MPDZ: variants seen among roughly 807,000 people sequenced by gnomAD.
MPDZ encodes multiple PDZ domain protein.
A neutral mutation model predicts 239.1 loss-of-function variants in MPDZ; 234 were observed. That is an observed-to-expected ratio of 0.98 (90% CI 0.88 to 1.09). The LOEUF (loss-of-function observed/expected upper bound fraction) is 1.09, where lower values mean the gene tolerates loss of function less well. Ranked by LOEUF, MPDZ falls within the 50% of genes least tolerant of loss-of-function variation. MPDZ has a pLI of 0.00. For missense variants in MPDZ, 3,175 were observed against 2,510.0 expected (o/e 1.26, Z -5.66); for synonymous variants, 1,048 against 881.3 (o/e 1.19, Z -3.35).
intron 1 of MPDZ, among the ~76,000 whole-genome samples, chr9:13,267,697 A>C (rs1972076358): frequency 6.6e-6 from 1 of 152,186 alleles, no homozygotes; most frequent in Admixed American, 6.5e-5. Context: ...GCAAGACACA[A>C]GTAACAGGGG....
At position 13,136,952 on chromosome 9, in the gene MPDZ, A is replaced by G. The variant is rs535621236; in HGVS notation, c.4201-149T>C. The stretch of plus-strand genomic sequence containing the variant: ...TATATTTTCCTCCCCAAAACATGAA[A>G]CTGACTTTTCATGGTGAATAAAGAA... On this transcript the variant is annotated intron_variant, in intron 29 of 46. Coordinates refer to ENST00000319217, the MANE Select transcript of MPDZ (RefSeq NM_001378778.1). The G allele has an allele frequency of 9.2e-4, 415 of 451,596 alleles. 4 individuals are homozygous for G. The South Asian group carries it at 0.014, about 15-fold the overall frequency. The allele number at this position is 451,596 out of a possible 1,614,324, so 28.0% of individuals were successfully genotyped here. A position where few individuals can be genotyped will look rare whatever the true frequency, so the allele number is the denominator to read the frequency against.
chr9:13,248,973 T>C (rs1206551522), intron 2 of MPDZ, among the ~76,000 whole-genome samples: 3 of 18,746 alleles, frequency 1.6e-4, no homozygotes, highest in East Asian at 1.9e-3. Context: ...TGAGACTCCA[T>C]CTCAAAAAAA....
chr9:13,232,021 T>C (rs1189824400), intron 3 of MPDZ, among the ~76,000 whole-genome samples: 1 of 152,086 alleles, frequency 6.6e-6, no homozygotes. Flanking sequence ...AAAAAAATAA[T>C]GGATAAAATC....
intron 10 of MPDZ, among the ~76,000 whole-genome samples, chr9:13,214,669 T>C (rs534287967): frequency 3.3e-5 from 5 of 152,214 alleles, no homozygotes; most frequent in African/African-American, 1.2e-4. Flanking sequence ...ATGCTTTCAA[T>C]TTGTAATTCA....
intron 3 of MPDZ, among the ~76,000 whole-genome samples, chr9:13,226,645 G>A (rs948477048): frequency 1.3e-4 from 20 of 151,962 alleles, no homozygotes; most frequent in African/African-American, 4.1e-4. Flanking sequence ...TATACTCCAC[G>A]AACTTACTGT....
chr9:13,119,549 C>T lies in MPDZ; in HGVS notation c.5332G>A (p.Glu1778Lys), dbSNP rs751051967. Residue 1778 changes from glutamate to lysine, a missense_variant, in exon 39 of 47, where the codon GAA becomes AAA. Physicochemically the swap from Glu to Lys is moderately conservative, Grantham distance 56 (BLOSUM62 1). Coordinates refer to ENST00000319217, the MANE Select transcript of MPDZ (RefSeq NM_001378778.1). Reference sequence around the variant, plus strand: ...TCTTGGGTGGCATTACGAACGTCTTCCCCATTCACCATTAATATCTGGTCT... The same window carrying T: ...TCTTGGGTGGCATTACGAACGTCTTTCCCATTCACCATTAATATCTGGTCT... ...QGDQILMVNGEDVRNATQEAV... is the reference protein window; with the variant it reads ...QGDQILMVNGKDVRNATQEAV... 6 of 1,613,546 alleles carry T rather than the reference C, an allele frequency of 3.7e-6. No individual in the cohort carries two copies. Among genetic ancestry groups the T allele is most frequent in the Non-Finnish European group, 4.2e-6 (5 of 1,179,784 alleles).
rs777104917 is a variant in MPDZ at position 13,150,525 on chromosome 9, C to T, written c.3616G>A (p.Asp1206Asn). 1.3e-6 allele frequency: 2 copies of T among 1,567,024 alleles called. No individual in the cohort carries two copies. Among genetic ancestry groups the T allele is most frequent in the Admixed American group, 1.8e-5 (1 of 57,110 alleles). ...AGKNGTLKPGDRIVEVDGMDL... is the reference protein window; with the variant it reads ...AGKNGTLKPGNRIVEVDGMDL... ...CTAGAGGGTACCTCTACGATTCTAT[C>T]TCCAGGTTTCAAGGTTCCATTTTTG... is the stretch of plus-strand genomic sequence containing the variant. Residue 1206 changes from aspartate (D) to asparagine (N), a missense_variant, in exon 25 of 47, where the codon GAT becomes AAT. Coordinates refer to ENST00000319217, the MANE Select transcript of MPDZ (RefSeq NM_001378778.1).
At chr9:13,162,664 T>C (rs758827073) in intron 23 of MPDZ, 27 bp downstream of exon 23, 44 of 1,453,710 alleles carry the variant, frequency 3.0e-5, no homozygotes, top group Non-Finnish European at 4.0e-5. Context: ...GTACCATTCA[T>C]TGTATTAGAT....
intron 10 of MPDZ, among the ~76,000 whole-genome samples, chr9:13,216,029 C>G (rs948775676): frequency 6.7e-6 from 1 of 149,158 alleles, no homozygotes; most frequent in Non-Finnish European, 1.5e-5. Context: ...AGTGAAGACA[C>G]CCAGCTGTCT....
At chr9:13,239,099 A>T (rs1296205652) in intron 3 of MPDZ, among the ~76,000 whole-genome samples, 1 of 152,178 alleles carries the variant, frequency 6.6e-6, no homozygotes, top group African/African-American at 2.4e-5. Flanking sequence ...CTTGAGAATA[A>T]ATTCTTACTT....
intron 24 of MPDZ, among the ~76,000 whole-genome samples, chr9:13,155,796 A>G (rs1183420856): frequency 6.6e-6 from 1 of 152,198 alleles, no homozygotes; most frequent in African/African-American, 2.4e-5. Flanking sequence ...TGGTTACTCC[A>G]TTAAGCTTTC....
intron 24 of MPDZ, among the ~76,000 whole-genome samples, chr9:13,157,025 G>A (rs572463062): frequency 4.2e-5 from 6 of 142,820 alleles, no homozygotes; most frequent in Non-Finnish European, 7.5e-5. Context: ...TTCTTTGAAA[G>A]CAACATAAAA....
At position 13,192,180 on chromosome 9, in the gene MPDZ, T is replaced by C. The variant is rs375573563; in HGVS notation, c.1919A>G (p.Gln640Arg). The C allele has an allele frequency of 1.2e-6, 2 of 1,610,976 alleles. No homozygotes were observed. The highest frequency in any genetic ancestry group is 2.2e-5 in the East Asian group (1 of 44,700). ...TAAGTCCAGGCTATCCAATTCTGAT[T>C]GGGTGGTGGGTGGCACAGTTCGACG... ...CCRRTVPPTT[Q>R]SELDSLDLCD... Residue 640 changes from glutamine to arginine, a missense_variant, in exon 15 of 47, where the codon CAA becomes CGA. By Grantham distance (43) the Gln-to-Arg change is conservative. Transcript: ENST00000319217.
rs753896718 is a variant in MPDZ, at chr9:13,216,793, A to G, written c.1271T>C (p.Ile424Thr). 2.4e-5 allele frequency: 39 copies of G among 1,609,218 alleles called. No homozygotes were observed. Among genetic ancestry groups the G allele is most frequent in the Non-Finnish European group, 2.8e-5 (33 of 1,177,396 alleles). Residue 424 changes from isoleucine (I) to threonine (T), a missense_variant, in exon 10 of 47, where the codon ATT (isoleucine) becomes ACT (threonine). Ile to Thr is a moderately conservative substitution (Grantham distance 89). Transcript: ENST00000319217. ...ACTTACTGCTATAATTTGGTCTCCAATTTGGATTCTTCCATCATGCTCAAC... is the reference window on the plus strand; with the variant it reads ...ACTTACTGCTATAATTTGGTCTCCAGTTTGGATTCTTCCATCATGCTCAAC... ...SAVEHDGRIQ[I>T]GDQIIAVDGT...
At chr9:13,269,998 C>T (rs1475432221) in intron 1 of MPDZ, among the ~76,000 whole-genome samples, 4 of 152,244 alleles carry the variant, frequency 2.6e-5, no homozygotes, top group African/African-American at 7.2e-5. Context: ...ATTTAGTTAC[C>T]ATATGTAATT....
chr9:13,213,724 T>C (rs951625229), intron 10 of MPDZ, among the ~76,000 whole-genome samples: 2 of 152,180 alleles, frequency 1.3e-5, no homozygotes, highest in African/African-American at 4.8e-5. Context: ...GAGAAAAGAT[T>C]CTTCCACCTT....
intron 7 of MPDZ, among the ~76,000 whole-genome samples, chr9:13,221,005 A>G (rs555577448): frequency 7.2e-5 from 11 of 152,138 alleles, no homozygotes; most frequent in East Asian, 3.9e-4. Context: ...ATACAAAAGT[A>G]TATTTTCCCA....
At chr9:13,249,806 T>C (rs1329061155) in intron 2 of MPDZ, among the ~76,000 whole-genome samples, 2 of 152,210 alleles carry the variant, frequency 1.3e-5, no homozygotes, top group Non-Finnish European at 2.9e-5. Context: ...CTGGGAAATC[T>C]AGATATTTCA....
intron 26 of MPDZ, 132 bp from the exon 27 acceptor site, chr9:13,143,696 T>C (rs918756779): frequency 7.0e-6 from 5 of 712,544 alleles, no homozygotes; most frequent in South Asian, 3.2e-5. Flanking sequence ...CAGTCATTAA[T>C]AGCAACATCT....
Sources: gnomAD v4.1 joint callset for allele counts (sites outside exome capture counted in the v4.1 genomes callset) on GRCh38, gnomAD v4.1.1 for gene constraint, MANE v1.5 for transcripts, NCBI Gene and HGNC (gene_info 2026-07-23, HGNC 2026-07-21) for gene names.